The following GRIN2A variants were observed in gnomAD, a reference collection of about 807,000 sequenced individuals.
GRIN2A encodes the protein glutamate ionotropic receptor NMDA type subunit 2A, also known as glutamate receptor ionotropic, NMDA 2A.
A neutral mutation model predicts 113.4 loss-of-function variants in GRIN2A; 22 were observed. That is an observed-to-expected ratio of 0.19 (90% CI 0.14 to 0.28). The LOEUF is 0.28. Among genes scored for constraint, GRIN2A ranks in the 10% least tolerant of loss-of-function variants. The pLI, the probability that GRIN2A is intolerant of heterozygous loss-of-function variation, is 1.00. For synonymous variants in GRIN2A, 827 were observed against 738.4 expected (o/e 1.12, Z -1.94); for missense variants, 1,502 against 1,887.0 (o/e 0.80, Z 3.78).
intron 3 of GRIN2A, among the ~76,000 whole-genome samples, chr16:9,904,277 C>T (rs368017914): frequency 1.3e-5 from 2 of 152,182 alleles, no homozygotes; most frequent in East Asian, 1.9e-4. Flanking sequence ...CTGGTGAAAG[C>T]CCTCTTGCCT....
At chr16:9,974,097 G>T (rs1045392858) in intron 2 of GRIN2A, among the ~76,000 whole-genome samples, 1 of 152,094 alleles carries the variant, frequency 6.6e-6, no homozygotes, top group Admixed American at 6.5e-5. Flanking sequence ...TGCCTCTTAG[G>T]GTATTAATGT....
chr16:10,148,092 G>C (rs996477707), intron 2 of GRIN2A, among the ~76,000 whole-genome samples: 1 of 152,088 alleles, frequency 6.6e-6, no homozygotes, highest in Non-Finnish European at 1.5e-5. Flanking sequence ...CTCCTTGATG[G>C]TTTGTCATCA....
intron 2 of GRIN2A, among the ~76,000 whole-genome samples, chr16:10,008,426 A>T (rs565525449): frequency 1.6e-4 from 25 of 152,352 alleles, no homozygotes; most frequent in African/African-American, 5.8e-4. Context: ...AACAGCGTGC[A>T]GTCACTCCCC....
chr16:9,987,743 A>T (rs2046006292), intron 2 of GRIN2A, among the ~76,000 whole-genome samples: 1 of 152,210 alleles, frequency 6.6e-6, no homozygotes, highest in South Asian at 2.1e-4. Context: ...AATGGTCTTA[A>T]ATAGTTTTAG....
At chr16:10,053,386 C>T (rs1439653303) in intron 2 of GRIN2A, among the ~76,000 whole-genome samples, 1 of 152,200 alleles carries the variant, frequency 6.6e-6, no homozygotes, top group Admixed American at 6.5e-5. Flanking sequence ...CACAACAACC[C>T]TCTATGAATA....
Position 10,112,149 on chromosome 16 carries a change from T to C in GRIN2A, c.414+67849A>G, listed in dbSNP as rs192436630. The stretch of plus-strand genomic sequence containing the variant: ...TGTGGGCACCCATGAGGATGACAAA[T>C]ACTGCCTGGACCTGCTCACCTGGGT... On this transcript the variant is annotated intron_variant, in intron 2 of 12. Coordinates refer to ENST00000330684, the MANE Select transcript of GRIN2A (RefSeq NM_001134407.3). 5.5e-4 allele frequency: 323 copies of C among 588,152 alleles called. 1 individual carries two copies. Among genetic ancestry groups the C allele is most frequent in the African/African-American group, 5.4e-3 (291 of 54,072 alleles). The allele number at this position is 588,152 out of a possible 1,614,324, so 36.4% of individuals were successfully genotyped here.
chr16:10,101,247 A>T (rs1419841526), intron 2 of GRIN2A, among the ~76,000 whole-genome samples: 1 of 151,734 alleles, frequency 6.6e-6, no homozygotes, highest in Non-Finnish European at 1.5e-5. Flanking sequence ...TCCCTATTTT[A>T]TTTTTTCCCA....
chr16:10,025,083 G>C (rs560872133), intron 2 of GRIN2A, among the ~76,000 whole-genome samples: 1 of 151,898 alleles, frequency 6.6e-6, no homozygotes, highest in African/African-American at 2.4e-5. Flanking sequence ...GAGAGGAGAT[G>C]GAGAGGAAAA....
chr16:9,970,746 A>C (rs1393896993), intron 2 of GRIN2A: 7 of 969,230 alleles, frequency 7.2e-6, no homozygotes, highest in Non-Finnish European at 7.4e-6. Flanking sequence ...CCCCTACCTT[A>C]AGAAAATTAC....
At chr16:10,131,878 T>C (rs11074604) in intron 2 of GRIN2A, among the ~76,000 whole-genome samples, 24,908 of 152,180 alleles carry the variant, frequency 0.16, 2,574 homozygotes, top group East Asian at 0.36. Flanking sequence ...CATGTTATTA[T>C]TGTTATTATT....
intron 2 of GRIN2A, among the ~76,000 whole-genome samples, chr16:10,047,428 C>G (rs1168413713): frequency 1.3e-5 from 2 of 152,150 alleles, no homozygotes; most frequent in Admixed American, 1.3e-4. Flanking sequence ...ACAATTAGTA[C>G]CCAATAAATG....
chr16:9,960,914 C>G (rs1248016993), intron 2 of GRIN2A, among the ~76,000 whole-genome samples: 1 of 152,352 alleles, frequency 6.6e-6, no homozygotes, highest in South Asian at 2.1e-4. Flanking sequence ...GCATGAGCCA[C>G]CGCACCCAGC....
intron 3 of GRIN2A, among the ~76,000 whole-genome samples, chr16:9,917,257 C>T (rs183921067): frequency 2.6e-5 from 4 of 152,276 alleles, no homozygotes; most frequent in African/African-American, 9.6e-5. Flanking sequence ...TAATATAGTG[C>T]AATTATTTTA....
chr16:9,767,731 G>A (rs1901009992), intron 12 of GRIN2A, among the ~76,000 whole-genome samples: 1 of 152,320 alleles, frequency 6.6e-6, no homozygotes, highest in South Asian at 2.1e-4. Context: ...TATGTATTTT[G>A]TGCTGTTGTT....
At chr16:9,860,768 G>C (rs1023017723) in intron 4 of GRIN2A, among the ~76,000 whole-genome samples, 24 of 152,096 alleles carry the variant, frequency 1.6e-4, no homozygotes, top group African/African-American at 5.8e-4. Context: ...AAAGAGATGG[G>C]CTGTAGGGGT....
chr16:9,951,501 T>C (rs1226755949), intron 2 of GRIN2A, among the ~76,000 whole-genome samples: 2 of 152,216 alleles, frequency 1.3e-5, no homozygotes, highest in African/African-American at 4.8e-5. Context: ...AATATCTGTT[T>C]GTTCTCTTCA....
chr16:9,816,786 C>T (rs1485984240), intron 10 of GRIN2A, among the ~76,000 whole-genome samples: 4 of 152,128 alleles, frequency 2.6e-5, no homozygotes, highest in African/African-American at 9.7e-5. Context: ...ATCTTCAGAC[C>T]CCTCCTTACA....
intron 11 of GRIN2A, among the ~76,000 whole-genome samples, chr16:9,791,568 C>G (rs1596411208): frequency 2.0e-5 from 3 of 152,228 alleles, no homozygotes; most frequent in African/African-American, 7.2e-5. Context: ...GTGGGACTGT[C>G]CAGCTCTACC....
chr16:9,826,334 C>A (rs2042386780), intron 9 of GRIN2A, among the ~76,000 whole-genome samples: 1 of 152,116 alleles, frequency 6.6e-6, no homozygotes, highest in Non-Finnish European at 1.5e-5. Flanking sequence ...GGAAAGCATC[C>A]CTATCAACAT....
Sources: gnomAD v4.1 joint callset for allele counts (sites outside exome capture counted in the v4.1 genomes callset) on GRCh38, gnomAD v4.1.1 for gene constraint, MANE v1.5 for transcripts, NCBI Gene and HGNC (gene_info 2026-07-23, HGNC 2026-07-21) for gene names.